The following KIN variants were observed in gnomAD, a reference collection of about 807,000 sequenced individuals.
KIN encodes the protein DNA/RNA-binding protein KIN17.
Under a neutral mutation model 63.0 loss-of-function variants are expected in KIN, and 47 were observed. The ratio of observed to expected loss-of-function variants is 0.75; its 90% CI spans 0.59 to 0.95. The LOEUF is 0.95. Among genes scored for constraint, KIN ranks in the 40% least tolerant of loss-of-function variants. The probability of loss-of-function intolerance (pLI) is 0.00; values close to 1 mark genes in which losing one functional copy is unlikely to be tolerated. For synonymous variants in KIN, 160 were observed against 157.7 expected, an observed-to-expected ratio of 1.01 and a Z score of -0.11; for missense variants, 408 against 460.9, an observed-to-expected ratio of 0.89 and a Z score of 1.05.
At chr10:7,761,866 G>C (rs1421467890) in intron 11 of KIN, among the ~76,000 whole-genome samples, 2 of 152,130 alleles carry the variant, frequency 1.3e-5, no homozygotes. Context: ...GCCAGATGTG[G>C]TGATGCATGC....
rs1458087153 is a variant in KIN, at chr10:7,753,594, T to A, written c.*2486A>T. The A allele has an allele frequency of 6.5e-6, 1 of 154,464 alleles. No individual in the cohort carries two copies. The highest frequency in any genetic ancestry group is 1.4e-5 in the Non-Finnish European group (1 of 69,628). The allele number at this position is 154,464 out of a possible 1,614,324, so 9.6% of individuals were successfully genotyped here. ...ATATGTATTTTCTGTAGGTCTCCCA[T>A]CAACCCTGCTGAAAAACATTTTGAC... On this transcript the variant is annotated 3_prime_UTR_variant, in exon 13 of 13. Transcript: ENST00000379562.
intron 12 of KIN, among the ~76,000 whole-genome samples, chr10:7,756,356 G>A (rs895993011): frequency 5.9e-5 from 9 of 152,144 alleles, no homozygotes; most frequent in African/African-American, 1.9e-4. Context: ...TCTGACATAC[G>A]TTATCAATAG....
At chr10:7,771,991 G>A (rs1486379050) in intron 7 of KIN, among the ~76,000 whole-genome samples, 3 of 151,764 alleles carry the variant, frequency 2.0e-5, no homozygotes, top group African/African-American at 4.8e-5. Flanking sequence ...ATGATCAGAA[G>A]AGCCCAGCAA....
chr10:7,773,269 T>C (rs901639214), intron 7 of KIN, among the ~76,000 whole-genome samples: 6 of 152,148 alleles, frequency 3.9e-5, no homozygotes, highest in African/African-American at 1.4e-4. Flanking sequence ...CTCAACATAT[T>C]TCTGTTGTTT....
At chr10:7,779,602 T>C (rs770947835) in intron 4 of KIN, among the ~76,000 whole-genome samples, 3 of 152,220 alleles carry the variant, frequency 2.0e-5, no homozygotes, top group Non-Finnish European at 2.9e-5. Context: ...ACAGACATTT[T>C]TTCCTTCCCA....
chr10:7,769,333 C>T lies in KIN; in HGVS notation c.681G>A (p.Pro227=), dbSNP rs369856846. ...AACTTCCTATCGTCTTCAGTGCACT[C>T]GGTCCCAGAGTACTGATGAACAGGA... ...ATSSKSSTLG[P]SALKTIGSSA... The change falls in exon 8 of 13, where the codon CCG becomes CCA. Residue 227 remains proline (P), a synonymous_variant. Transcript: ENST00000379562. 1.5e-5 allele frequency: 25 copies of T among 1,613,608 alleles called. No homozygotes were observed. The highest frequency in any genetic ancestry group is 1.1e-4 in the African/African-American group (8 of 75,010).
intron 6 of KIN, 99 bp from the exon 7 acceptor site, chr10:7,774,990 G>A: frequency 1.2e-6 from 1 of 851,868 alleles, no homozygotes; most frequent in Non-Finnish European, 1.9e-6. Flanking sequence ...GGAACTCCAG[G>A]ACATTTTCAA....
At chr10:7,756,755 T>C (rs755023560) in intron 12 of KIN, among the ~76,000 whole-genome samples, 1 of 78,994 alleles carries the variant, frequency 1.3e-5, no homozygotes, top group Non-Finnish European at 2.6e-5. Flanking sequence ...ATAGGAAATA[T>C]CATTTTGTAA....
intron 1 of KIN, among the ~76,000 whole-genome samples, chr10:7,787,050 T>C (rs1836031071): frequency 1.3e-5 from 2 of 149,474 alleles, no homozygotes; most frequent in Admixed American, 1.3e-4. Context: ...ACCACCTCTT[T>C]AATGGGGAAA....
At chr10:7,784,858 T>C (rs1212264534) in intron 1 of KIN, among the ~76,000 whole-genome samples, 1 of 152,212 alleles carries the variant, frequency 6.6e-6, no homozygotes, top group Non-Finnish European at 1.5e-5. Context: ...TACTTTCTAA[T>C]ATTATTTACA....
At position 7,751,097 on chromosome 10, in the gene KIN, C is replaced by T. The variant is rs1449670585; in HGVS notation, c.*4983G>A. 1 of 152,136 alleles carries T rather than the reference C, an allele frequency of 6.6e-6. No individual in the cohort carries two copies. The highest frequency in any genetic ancestry group is 1.5e-5 in the Non-Finnish European group (1 of 68,020). 9.4% of individuals were successfully genotyped at this position (152,136 alleles called of 1,614,324 possible). On this transcript the variant is annotated 3_prime_UTR_variant, in exon 13 of 13. Transcript: ENST00000379562. ...AAACTAGGTTACTTTATGCTGTCTGCATTTGTATAGTGGATTTTGGTGCTA... is the reference window on the plus strand; with the variant it reads ...AAACTAGGTTACTTTATGCTGTCTGTATTTGTATAGTGGATTTTGGTGCTA...
chr10:7,780,066 C>G lies in KIN; in HGVS notation c.366G>C (p.Leu122=). 2 of 1,612,034 alleles carry G rather than the reference C, an allele frequency of 1.2e-6. No homozygotes were observed. The highest frequency in any genetic ancestry group is 1.7e-5 in the Admixed American group (1 of 59,810). ...WETLTDFTKW[L]GREGLCKVDE... is the part of the protein sequence containing the mutation. ...AAATCTCATTCTTACCTTCTCTGCC[C>G]AGCCACTTAGTAAAATCAGTCAGAG... The change falls in exon 4 of 13, where the codon CTG becomes CTC. Residue 122 remains leucine, a synonymous_variant. Coordinates refer to ENST00000379562, the MANE Select transcript of KIN (RefSeq NM_012311.4).
rs61160357 is a variant in KIN at position 7,780,319 on chromosome 10, A to C, written c.210-12T>G. 7.9e-4 allele frequency: 1,257 copies of C among 1,595,492 alleles called. 7 individuals carry two copies. In the African/African-American group the frequency reaches 0.013, roughly 16 times the overall value. ...CATTTCGGAATTCCCTAATAAAGAA[A>C]GAAAGGAAAGCATTAAGGTAATTTC... On this transcript the variant is annotated splice_polypyrimidine_tract_variant and intron_variant, in intron 2 of 12. Coordinates refer to ENST00000379562, the MANE Select transcript of KIN (RefSeq NM_012311.4).
chr10:7,754,395 G>A lies in KIN; in HGVS notation c.*1685C>T, dbSNP rs1024350550. On this transcript the variant is annotated 3_prime_UTR_variant, in exon 13 of 13. Transcript: ENST00000379562. ...CATGCCTGTAATCCCAGCACTTTGG[G>A]AGGCTGAGGCGGGCAGATCATAAGG... 1.8e-5 allele frequency: 4 copies of A among 222,310 alleles called. No homozygotes were observed. Among genetic ancestry groups the A allele is most frequent in the South Asian group, 5.6e-5 (1 of 17,898 alleles). 13.8% of individuals were successfully genotyped at this position (222,310 alleles called of 1,614,324 possible).
intron 7 of KIN, among the ~76,000 whole-genome samples, chr10:7,771,537 A>G (rs1588478600): frequency 6.6e-6 from 1 of 152,344 alleles, no homozygotes; most frequent in East Asian, 1.9e-4. Flanking sequence ...TTATTTCAGT[A>G]TTTTGGTATT....
intron 10 of KIN, 23 bp from the exon 11 acceptor site, chr10:7,762,579 T>C (rs771813276): frequency 1.5e-6 from 2 of 1,361,224 alleles, no homozygotes; most frequent in Non-Finnish European, 2.1e-6. Flanking sequence ...ATGAACACTT[T>C]TATAATAGAA....
At chr10:7,777,231 T>A (rs982590219) in intron 5 of KIN, among the ~76,000 whole-genome samples, 12 of 144,478 alleles carry the variant, frequency 8.3e-5, no homozygotes, top group African/African-American at 2.8e-4. Context: ...CAATAAACTT[T>A]AGGAAAAGCA....
chr10:7,769,339 C>T lies in KIN; in HGVS notation c.675G>A (p.Leu225=), dbSNP rs756433503. 25 of 1,612,502 alleles carry T rather than the reference C, an allele frequency of 1.6e-5. No individual in the cohort carries two copies. Among genetic ancestry groups the T allele is most frequent in the Non-Finnish European group, 1.9e-5 (23 of 1,179,560 alleles). The change falls in exon 8 of 13, where the codon CTG becomes CTA. Residue 225 remains leucine, a synonymous_variant. Coordinates refer to ENST00000379562, the MANE Select transcript of KIN (RefSeq NM_012311.4). ...CTATCGTCTTCAGTGCACTCGGTCC[C>T]AGAGTACTGATGAACAGGAGAACCA... is the stretch of plus-strand genomic sequence containing the variant. ...SGATSSKSST[L]GPSALKTIGS...
At chr10:7,777,878 G>A (rs1454622896) in intron 5 of KIN, among the ~76,000 whole-genome samples, 14 of 145,302 alleles carry the variant, frequency 9.6e-5, no homozygotes, top group African/African-American at 2.1e-4. Context: ...CAGCCTGGGC[G>A]ACAGAGTGAG....
Sources: allele counts gnomAD v4.1 joint callset (sites outside exome capture counted in the v4.1 genomes callset), GRCh38; gene constraint gnomAD v4.1.1; transcripts MANE v1.5; gene names NCBI Gene and HGNC (gene_info 2026-07-23, HGNC 2026-07-21).